The following ZNF554 variants were observed in gnomAD, a reference collection of about 807,000 sequenced individuals.
ZNF554 encodes zinc finger protein 554.
Under a neutral mutation model 21.2 loss-of-function variants are expected in ZNF554, and 15 were observed. The ratio of observed to expected loss-of-function variants is 0.71; its 90% CI spans 0.47 to 1.09. The LOEUF is 1.09. Ranked by LOEUF, ZNF554 falls within the 50% of genes least tolerant of loss-of-function variation. The pLI, the probability that ZNF554 is intolerant of heterozygous loss-of-function variation, is 0.00. For missense variants in ZNF554, 691 were observed against 662.7 expected, an observed-to-expected ratio of 1.04 and a Z score of -0.47; for synonymous variants, 258 against 251.4, an observed-to-expected ratio of 1.03 and a Z score of -0.25.
chr19:2,822,928 C>A, intron 1 of ZNF554, 112 bp from the exon 2 acceptor site: 1 of 1,025,608 alleles, frequency 9.8e-7, no homozygotes, highest in Non-Finnish European at 1.4e-6. Flanking sequence ...GTTTACCTCC[C>A]TCTGTGTATG....
In ZNF554 at chr19:2,835,244, G is replaced by A. The variant is rs185413930; in HGVS notation, c.*392G>A. ...TCCTAACACTTTAGGAGGCCGAGGC[G>A]GGTGGATCATGAGGTCAGGAGATCG... On this transcript the variant is annotated 3_prime_UTR_variant, in exon 5 of 5. Coordinates refer to ENST00000317243, the MANE Select transcript of ZNF554 (RefSeq NM_001102651.2). The A allele has an allele frequency of 5.7e-4, 97 of 169,842 alleles. No individual in the cohort carries two copies. The highest frequency in any genetic ancestry group is 6.8e-4 in the Non-Finnish European group (52 of 76,902). 10.5% of individuals were successfully genotyped at this position (169,842 alleles called of 1,614,324 possible). A position where few individuals can be genotyped will look rare whatever the true frequency, so the allele number is the denominator to read the frequency against.
rs1409805777 is a variant in ZNF554 at position 2,836,698 on chromosome 19, A to T, written c.*1846A>T. On this transcript the variant is annotated 3_prime_UTR_variant, in exon 5 of 5. Coordinates refer to ENST00000317243, the MANE Select transcript of ZNF554 (RefSeq NM_001102651.2). Reference sequence around the variant, plus strand: ...TGACAATGAATACAAATCAAATAGCACCCAAAATTGTGAAGGATACGGAAC... The same window carrying T: ...TGACAATGAATACAAATCAAATAGCTCCCAAAATTGTGAAGGATACGGAAC... Among the ~76,000 whole-genome samples, 3 of 152,204 alleles carry T rather than the reference A, an allele frequency of 2.0e-5. No individual in the cohort carries two copies. Among genetic ancestry groups the T allele is most frequent in the South Asian group, 2.1e-4 (1 of 4,832 alleles).
At chr19:2,822,844 A>G (rs1178182984) in intron 1 of ZNF554, among the ~76,000 whole-genome samples, 196 bp from the exon 2 acceptor site, 7 of 152,242 alleles carry the variant, frequency 4.6e-5, no homozygotes, top group African/African-American at 1.7e-4. Flanking sequence ...ACTGCACTGC[A>G]GCCTGGGCAA....
rs901423362 is a variant in ZNF554 at position 2,828,052 on chromosome 19, C to T, written c.253+309C>T. ...AGAACAGTATGGGGAAAACCACCTC[C>T]GCCATGATTCAGTTATCTCCCCCTG... On this transcript the variant is annotated intron_variant, in intron 3 of 4. Coordinates refer to ENST00000317243, the MANE Select transcript of ZNF554 (RefSeq NM_001102651.2). Among the ~76,000 whole-genome samples, 12 of 152,132 alleles carry T rather than the reference C, an allele frequency of 7.9e-5. 1 individual carries two copies. Among genetic ancestry groups the T allele is most frequent in the Admixed American group, 2.0e-4 (3 of 15,276 alleles).
intron 2 of ZNF554, chr19:2,826,158 C>G (rs1436993069): frequency 6.7e-6 from 1 of 149,120 alleles, no homozygotes; most frequent in African/African-American, 2.5e-5. Context: ...CCTCGGCCTC[C>G]CAAAGTGCTG....
chr19:2,822,350 C>CT (rs1323351103), intron 1 of ZNF554, among the ~76,000 whole-genome samples: 1 of 152,144 alleles, frequency 6.6e-6, no homozygotes, highest in Non-Finnish European at 1.5e-5. Flanking sequence ...CATACCCGAG[C>CT]TTTTCCCTAG....
Position 2,819,945 on chromosome 19 carries a change from G to C in ZNF554, c.-127G>C. The stretch of plus-strand genomic sequence containing the variant: ...AGTTCCTGAGGGGCGCCTGCGGGGG[G>C]CGTCCGCTCCGAGCGCCGAGGAGCC... On this transcript the variant is annotated 5_prime_UTR_variant, in exon 1 of 5. Coordinates refer to ENST00000317243, the MANE Select transcript of ZNF554 (RefSeq NM_001102651.2). 1.5e-6 allele frequency: 1 copy of C among 687,492 alleles called. No individual in the cohort carries two copies. The allele number at this position is 687,492 out of a possible 1,614,324, so 42.6% of individuals were successfully genotyped here. A position where few individuals can be genotyped will look rare whatever the true frequency, so the allele number is the denominator to read the frequency against.
intron 1 of ZNF554, among the ~76,000 whole-genome samples, chr19:2,822,015 G>A (rs1046621574): frequency 4.0e-5 from 6 of 151,846 alleles, no homozygotes; most frequent in Non-Finnish European, 5.9e-5. Context: ...TGGAAGAGGC[G>A]GAAGGATTTT....
Position 2,834,856 on chromosome 19 carries a change from T to TC in ZNF554, c.*4_*5insC, listed in dbSNP as rs775478154. 6.4e-7 allele frequency: 1 copy of TC among 1,570,088 alleles called. No individual in the cohort carries two copies. The highest frequency in any genetic ancestry group is 2.3e-5 in the East Asian group (1 of 44,306). On this transcript the variant is annotated 3_prime_UTR_variant, in exon 5 of 5. Transcript: ENST00000317243. Reference sequence around the variant, plus strand: ...CAGACATCTTATTGGATATTAGCAATTGCACGCTGCTTTGTAAGCCACTTT... The same window carrying TC: ...CAGACATCTTATTGGATATTAGCAATCTGCACGCTGCTTTGTAAGCCACTTT...
intron 1 of ZNF554, among the ~76,000 whole-genome samples, chr19:2,820,700 T>TTTTTTTTTTTTTTTTTTTTTTTTTG (rs2087251457): frequency 6.7e-6 from 1 of 149,816 alleles, no homozygotes; most frequent in African/African-American, 2.5e-5. Context: ...TTTTTTTTTT[T>TTTTTTTTTTTTTTTTTTTTTTTTTG]GAGACGGAGT....
chr19:2,820,684 C>CTTTTTTTTTTTTTTTTT (rs762586098), intron 1 of ZNF554, among the ~76,000 whole-genome samples: 14 of 103,166 alleles, frequency 1.4e-4, no homozygotes, highest in South Asian at 3.3e-4. Context: ...AGCAAGGGTC[C>CTTTTTTTTTTTTTTTTT]TTTTTTTTTT....
Position 2,827,602 on chromosome 19 carries a change from G to A in ZNF554, c.127-15G>A. On this transcript the variant is annotated splice_polypyrimidine_tract_variant and intron_variant, in intron 2 of 4. Transcript: ENST00000317243. ...CGATGGACCCATCTTGAGCAGAACT[G>A]CTGTGATATTCTAGGAATTAGTAAC... 1 of 1,611,744 alleles carries A rather than the reference G, an allele frequency of 6.2e-7. No individual in the cohort carries two copies. The highest frequency in any genetic ancestry group is 8.5e-7 in the Non-Finnish European group (1 of 1,179,074).
rs2087497287 is a variant in ZNF554 at position 2,836,379 on chromosome 19, C to A, written c.*1527C>A. Among the ~76,000 whole-genome samples, 1 of 152,196 alleles carries A rather than the reference C, an allele frequency of 6.6e-6. No homozygotes were observed. The highest frequency in any genetic ancestry group is 1.5e-5 in the Non-Finnish European group (1 of 68,040). On this transcript the variant is annotated 3_prime_UTR_variant, in exon 5 of 5. Transcript: ENST00000317243. ...TACAGGTGTGAACCACTGCTCCTGG[C>A]CTTTATTTCAGCATTCTGTTTCAGT...
intron 2 of ZNF554, 144 bp downstream of exon 2, chr19:2,823,256 C>T (rs1346119903): frequency 2.8e-6 from 2 of 718,830 alleles, no homozygotes; most frequent in African/African-American, 3.6e-5. Flanking sequence ...GGATGAGGTA[C>T]TCCTGCTGCT....
intron 4 of ZNF554, 109 bp downstream of exon 4, chr19:2,832,603 C>T: frequency 4.3e-6 from 5 of 1,152,604 alleles, no homozygotes; most frequent in Non-Finnish European, 6.0e-6. Flanking sequence ...TGCCAAGATC[C>T]CTTTCTCGGA....
At position 2,834,314 on chromosome 19, in the gene ZNF554, C is replaced by G. The variant is rs1380456657; in HGVS notation, c.1079C>G (p.Ala360Gly). ...KPYECQECGRAFTHSSTLTRH... is the reference protein window; with the variant it reads ...KPYECQECGRGFTHSSTLTRH... ...TACGAGTGTCAGGAGTGTGGGCGAG[C>G]CTTTACGCACAGCTCCACCCTCACG... Residue 360 changes from alanine (A) to glycine (G), a missense_variant, in exon 5 of 5, where the codon GCC becomes GGC. Ala to Gly is a moderately conservative substitution (Grantham distance 60, BLOSUM62 0). Coordinates refer to ENST00000317243, the MANE Select transcript of ZNF554 (RefSeq NM_001102651.2). 2 of 1,614,034 alleles carry G rather than the reference C, an allele frequency of 1.2e-6. No individual in the cohort carries two copies. Among genetic ancestry groups the G allele is most frequent in the Non-Finnish European group, 1.7e-6 (2 of 1,180,014 alleles).
chr19:2,829,573 G>A (rs1347265391), intron 3 of ZNF554, among the ~76,000 whole-genome samples: 1 of 151,964 alleles, frequency 6.6e-6, no homozygotes, highest in African/African-American at 2.4e-5. Flanking sequence ...GGAGGTGGAG[G>A]TTGCGGTAAG....
intron 2 of ZNF554, among the ~76,000 whole-genome samples, chr19:2,825,573 C>T (rs1411727628): frequency 6.6e-6 from 1 of 152,170 alleles, no homozygotes; most frequent in African/African-American, 2.4e-5. Flanking sequence ...ATTATAGGCA[C>T]ATCCTGGAGT....
intron 3 of ZNF554, among the ~76,000 whole-genome samples, chr19:2,830,358 A>G (rs2087398356): frequency 2.0e-5 from 3 of 152,218 alleles, no homozygotes; most frequent in Non-Finnish European, 4.4e-5. Context: ...TCATAGATGA[A>G]GAAGATTCCA....
Sources: allele counts gnomAD v4.1 joint callset (sites outside exome capture counted in the v4.1 genomes callset), GRCh38; gene constraint gnomAD v4.1.1; transcripts MANE v1.5; gene names NCBI Gene and HGNC (gene_info 2026-07-23, HGNC 2026-07-21).